The following TMC1 variants were observed in gnomAD, a reference collection of about 807,000 sequenced individuals.
The protein encoded by TMC1 is transmembrane channel-like protein 1.
Under a neutral mutation model 105.8 loss-of-function variants are expected in TMC1, and 84 were observed. That is an observed-to-expected ratio of 0.79 (90% CI 0.67 to 0.95). TMC1 has a LOEUF of 0.95. Among genes scored for constraint, TMC1 ranks in the 40% least tolerant of loss-of-function variants. The pLI is 0.00. For synonymous variants in TMC1, 315 were observed against 311.5 expected (o/e 1.01, Z -0.12); for missense variants, 817 against 914.1 (o/e 0.89, Z 1.37).
intron 4 of TMC1, among the ~76,000 whole-genome samples, chr9:72,640,350 C>T (rs903260223): frequency 2.0e-5 from 3 of 152,114 alleles, no homozygotes; most frequent in African/African-American, 4.8e-5. Flanking sequence ...TGTAAAGAAT[C>T]GTGATGCAAA....
intron 4 of TMC1, among the ~76,000 whole-genome samples, chr9:72,630,315 G>A (rs1209083201): frequency 6.6e-6 from 1 of 152,098 alleles, no homozygotes; most frequent in Non-Finnish European, 1.5e-5. Flanking sequence ...TAAAACTAAT[G>A]AAAATATTTA....
intron 21 of TMC1, among the ~76,000 whole-genome samples, 159 bp downstream of exon 21, chr9:72,827,153 G>A (rs1828970441): frequency 6.6e-6 from 1 of 152,268 alleles, no homozygotes; most frequent in Non-Finnish European, 1.5e-5. Flanking sequence ...TAAAATTCAT[G>A]AGCCATATTC....
At chr9:72,785,456 C>A (rs1347277602) in intron 13 of TMC1, among the ~76,000 whole-genome samples, 13 of 147,008 alleles carry the variant, frequency 8.8e-5, no homozygotes, top group Admixed American at 8.0e-4. Context: ...ATTTTCTTTT[C>A]CTTCCTTATT....
Position 72,791,951 on chromosome 9 carries a change from A to G in TMC1, c.1290A>G (p.Leu430=). ...CATTGTTTGACTTATTTGCTGAATT[A>G]GAAGACTACCATCCTCTCATCGCTT... ...CPTLFDLFAE[L]EDYHPLIALK... Residue 430 remains leucine, a synonymous_variant, in exon 16 of 24, where the codon TTA becomes TTG. Transcript: ENST00000297784. 6.2e-7 allele frequency: 1 copy of G among 1,614,008 alleles called. No homozygotes were observed. Among genetic ancestry groups the G allele is most frequent in the Non-Finnish European group, 8.5e-7 (1 of 1,179,960 alleles).
chr9:72,682,417 G>A (rs1435068494), intron 5 of TMC1, among the ~76,000 whole-genome samples: 1 of 152,110 alleles, frequency 6.6e-6, no homozygotes, highest in Non-Finnish European at 1.5e-5. Context: ...GTTTATTAAG[G>A]TATTTGATTT....
intron 3 of TMC1, among the ~76,000 whole-genome samples, chr9:72,620,354 A>G (rs980820009): frequency 1.8e-4 from 27 of 151,408 alleles, no homozygotes; most frequent in African/African-American, 6.1e-4. Flanking sequence ...TGATCCTTTC[A>G]CCTCAGCCTC....
At chr9:72,641,796 A>C (rs1825632492) in intron 4 of TMC1, among the ~76,000 whole-genome samples, 1 of 149,984 alleles carries the variant, frequency 6.7e-6, no homozygotes. Context: ...TATGCTTATA[A>C]GGTAGTCCCA....
At chr9:72,525,319 C>A (rs1823386877) in intron 1 of TMC1, among the ~76,000 whole-genome samples, 1 of 152,142 alleles carries the variant, frequency 6.6e-6, no homozygotes, top group Admixed American at 6.5e-5. Context: ...CACTCCTTGT[C>A]ACTGCTTCCT....
At chr9:72,605,473 A>T (rs1300482226) in intron 2 of TMC1, among the ~76,000 whole-genome samples, 1 of 152,020 alleles carries the variant, frequency 6.6e-6, no homozygotes, top group Non-Finnish European at 1.5e-5. Context: ...TGGATTGCAG[A>T]TGCTTGTCCT....
intron 17 of TMC1, among the ~76,000 whole-genome samples, chr9:72,802,581 C>G (rs1205649663): frequency 6.6e-6 from 1 of 152,050 alleles, no homozygotes; most frequent in Non-Finnish European, 1.5e-5. Context: ...TGCTCCTGAA[C>G]GACTCCTGAG....
chr9:72,732,565 C>CAA (rs57237757), intron 8 of TMC1, among the ~76,000 whole-genome samples: 14 of 88,016 alleles, frequency 1.6e-4, no homozygotes, highest in Non-Finnish European at 1.6e-4. Flanking sequence ...GTCTCTGTCT[C>CAA]AAAAAAAAAA....
At chr9:72,671,147 A>T (rs1316101831) in intron 5 of TMC1, among the ~76,000 whole-genome samples, 1 of 152,224 alleles carries the variant, frequency 6.6e-6, no homozygotes, top group Non-Finnish European at 1.5e-5. Context: ...TGAAGAATGG[A>T]TAGTCATGGA....
intron 8 of TMC1, among the ~76,000 whole-genome samples, chr9:72,715,580 T>C (rs1826903576): frequency 6.6e-6 from 1 of 152,132 alleles, no homozygotes; most frequent in Non-Finnish European, 1.5e-5. Context: ...GTATGTTTCA[T>C]GAAGTTCTCG....
intron 4 of TMC1, among the ~76,000 whole-genome samples, chr9:72,630,139 T>G (rs1318824364): frequency 6.6e-6 from 1 of 152,188 alleles, no homozygotes; most frequent in Non-Finnish European, 1.5e-5. Context: ...GTGCTGAGAT[T>G]ACAGGCATGA....
chr9:72,535,472 C>T (rs1331055668), intron 1 of TMC1, among the ~76,000 whole-genome samples: 4 of 152,154 alleles, frequency 2.6e-5, no homozygotes, highest in Non-Finnish European at 5.9e-5. Flanking sequence ...TAAACCATAT[C>T]AGGGGAGGAT....
intron 1 of TMC1, among the ~76,000 whole-genome samples, chr9:72,539,997 G>T (rs889896978): frequency 6.6e-6 from 1 of 152,200 alleles, no homozygotes; most frequent in African/African-American, 2.4e-5. Context: ...CACATGGCGA[G>T]AGAGGAAGAG....
At chr9:72,811,652 G>A (rs1828707141) in intron 18 of TMC1, among the ~76,000 whole-genome samples, 1 of 152,158 alleles carries the variant, frequency 6.6e-6, no homozygotes, top group Admixed American at 6.5e-5. Flanking sequence ...GTAAGGGAAT[G>A]TTCAATAAAC....
intron 1 of TMC1, among the ~76,000 whole-genome samples, chr9:72,568,878 A>G (rs1335567702): frequency 6.6e-6 from 1 of 152,196 alleles, no homozygotes; most frequent in Non-Finnish European, 1.5e-5. Context: ...CATTCCAAAA[A>G]TTTTTTAGAA....
intron 2 of TMC1, among the ~76,000 whole-genome samples, chr9:72,608,868 G>A (rs1824974170): frequency 6.6e-6 from 1 of 152,006 alleles, no homozygotes; most frequent in Non-Finnish European, 1.5e-5. Context: ...AGACTATAAA[G>A]TCCCTCAGTA....
Sources: gnomAD v4.1 joint callset for allele counts (sites outside exome capture counted in the v4.1 genomes callset) on GRCh38, gnomAD v4.1.1 for gene constraint, MANE v1.5 for transcripts, NCBI Gene and HGNC (gene_info 2026-07-23, HGNC 2026-07-21) for gene names.